The following CDC73 variants were observed in gnomAD, a reference collection of about 807,000 sequenced individuals.
CDC73 encodes the protein cell division cycle 73.
Under a neutral mutation model 83.7 loss-of-function variants are expected in CDC73, and 21 were observed. That is an observed-to-expected ratio of 0.25 (90% CI 0.18 to 0.36). The LOEUF is 0.36. Ranked by LOEUF, CDC73 falls within the 10% of genes least tolerant of loss-of-function variation. The pLI, the probability that CDC73 is intolerant of heterozygous loss-of-function variation, is 1.00. For synonymous variants in CDC73, 224 were observed against 212.9 expected, an observed-to-expected ratio of 1.05 and a Z score of -0.45; for missense variants, 342 against 653.3, an observed-to-expected ratio of 0.52 and a Z score of 5.19.
chr1:193,152,278 T>C, intron 9 of CDC73, 102 bp from the exon 10 acceptor site: 2 of 762,320 alleles, frequency 2.6e-6, no homozygotes, highest in Non-Finnish European at 4.6e-6. Context: ...TTGTATATTA[T>C]TGAACCATCA....
intron 15 of CDC73, among the ~76,000 whole-genome samples, chr1:193,246,668 A>G (rs1272763785): frequency 6.6e-6 from 1 of 151,996 alleles, no homozygotes; most frequent in African/African-American, 2.4e-5. Flanking sequence ...TTCATTCCCC[A>G]CTTTTCTCTT....
In CDC73 at chr1:193,135,522, C is replaced by T. The variant is rs1558282417; in HGVS notation, c.371-15C>T. On this transcript the variant is annotated splice_polypyrimidine_tract_variant and intron_variant, in intron 4 of 16. Coordinates refer to ENST00000367435, the MANE Select transcript of CDC73 (RefSeq NM_024529.5). Reference sequence around the variant, plus strand: ...TCCAAAACTACACATTTATTTACTTCTCTTTCTTTTATAGTCAAACGAGCT... The same window carrying T: ...TCCAAAACTACACATTTATTTACTTTTCTTTCTTTTATAGTCAAACGAGCT... 2 of 1,613,142 alleles carry T rather than the reference C, an allele frequency of 1.2e-6. No individual in the cohort carries two copies. The highest frequency in any genetic ancestry group is 1.7e-6 in the Non-Finnish European group (2 of 1,179,190).
chr1:193,239,421 T>C (rs1339448054), intron 15 of CDC73, among the ~76,000 whole-genome samples: 1 of 152,152 alleles, frequency 6.6e-6, no homozygotes, highest in Non-Finnish European at 1.5e-5. Context: ...AATTATATTA[T>C]ATTTTGTTAA....
rs1233590026 is a variant in CDC73 at position 193,122,220 on chromosome 1, T to C, written c.20T>C (p.Val7Ala). ...GGGAAGATGGCGGACGTGCTTAGCG[T>C]CCTGCGACAGTACAACATCCAGAAG... MADVLSVLRQYNIQKKE... is the reference protein window; with the variant it reads MADVLSALRQYNIQKKE... The change falls in exon 1 of 17, where the codon GTC becomes GCC. Residue 7 changes from valine to alanine, a missense_variant. Coordinates refer to ENST00000367435, the MANE Select transcript of CDC73 (RefSeq NM_024529.5). The C allele has an allele frequency of 6.2e-7, 1 of 1,614,124 alleles. No homozygotes were observed. Among genetic ancestry groups the C allele is most frequent in the Non-Finnish European group, 8.5e-7 (1 of 1,179,994 alleles).
intron 13 of CDC73, 102 bp from the exon 14 acceptor site, chr1:193,232,891 A>G: frequency 9.7e-7 from 1 of 1,029,264 alleles, no homozygotes; most frequent in South Asian, 1.5e-5. Flanking sequence ...CAATAAGAAA[A>G]AACTCTGTCT....
rs544515433 is a variant in CDC73 at position 193,226,291 on chromosome 1, G to A, written c.1155-6702G>A. Among the ~76,000 whole-genome samples the A allele has an allele frequency of 2.9e-4, 44 of 152,194 alleles. 1 individual carries two copies. The South Asian group carries it at 8.9e-3, about 31-fold the overall frequency. On this transcript the variant is annotated intron_variant, in intron 13 of 16. Coordinates refer to ENST00000367435, the MANE Select transcript of CDC73 (RefSeq NM_024529.5). ...CTGGATTCTCTATTCTGTTCCGTTG[G>A]TCCTTGTGCCTATTTTATACCAGTG...
chr1:193,147,775 A>C, intron 7 of CDC73, 92 bp from the exon 8 acceptor site: 1 of 777,526 alleles, frequency 1.3e-6, no homozygotes, highest in East Asian at 2.7e-5. Context: ...GTAGGGAAGA[A>C]TCGATAGTAA....
At chr1:193,162,459 G>A (rs1270810475) in intron 10 of CDC73, among the ~76,000 whole-genome samples, 1 of 149,708 alleles carries the variant, frequency 6.7e-6, no homozygotes, top group African/African-American at 2.5e-5. Context: ...TGCAGCCTCT[G>A]CCTCCCAGGT....
chr1:193,203,854 T>C lies in CDC73; in HGVS notation c.1030+2T>C. Reference sequence around the variant, plus strand: ...CAGCCCAGCCAGTACCAAGACCAGGTAGAAATATAGAACTTTGCTTTTTGT... The same window carrying C: ...CAGCCCAGCCAGTACCAAGACCAGGCAGAAATATAGAACTTTGCTTTTTGT... On this transcript the variant is annotated splice_donor_variant, in intron 11 of 16. Coordinates refer to ENST00000367435, the MANE Select transcript of CDC73 (RefSeq NM_024529.5). LOFTEE classifies it high-confidence loss of function. The C allele has an allele frequency of 1.2e-6, 2 of 1,613,120 alleles. No individual in the cohort carries two copies. Among genetic ancestry groups the C allele is most frequent in the Non-Finnish European group, 1.7e-6 (2 of 1,179,138 alleles).
chr1:193,142,813 A>G (rs1272408029), intron 7 of CDC73, among the ~76,000 whole-genome samples: 3 of 152,200 alleles, frequency 2.0e-5, no homozygotes, highest in African/African-American at 4.8e-5. Context: ...TGCACTTTAT[A>G]TTTTGAAAGA....
At chr1:193,208,933 T>C (rs2102035279) in intron 11 of CDC73, among the ~76,000 whole-genome samples, 1 of 152,368 alleles carries the variant, frequency 6.6e-6, no homozygotes, top group Non-Finnish European at 1.5e-5. Context: ...AATGCCACTT[T>C]CTTTGAGAAG....
chr1:193,235,158 G>A (rs1391711545), intron 14 of CDC73, among the ~76,000 whole-genome samples: 2 of 152,074 alleles, frequency 1.3e-5, no homozygotes, highest in Non-Finnish European at 2.9e-5. Context: ...TAATAATACT[G>A]AGATGGCTAT....
intron 10 of CDC73, among the ~76,000 whole-genome samples, chr1:193,168,816 C>T (rs1217140128): frequency 6.6e-6 from 1 of 152,164 alleles, no homozygotes; most frequent in Non-Finnish European, 1.5e-5. Context: ...TGAGCCACAG[C>T]GTCTGGCTGA....
In CDC73 at chr1:193,138,071, G is replaced by A. The variant is rs1238409542; in HGVS notation, c.424-14G>A. Reference sequence around the variant, plus strand: ...ATAAAAATTTTAAATGCATTAACCAGTGGTTATTTCCAGGATGAAGAGTGT... The same window carrying A: ...ATAAAAATTTTAAATGCATTAACCAATGGTTATTTCCAGGATGAAGAGTGT... On this transcript the variant is annotated splice_polypyrimidine_tract_variant and intron_variant, in intron 5 of 16. Transcript: ENST00000367435. 1 of 1,596,124 alleles carries A rather than the reference G, an allele frequency of 6.3e-7. No homozygotes were observed. The highest frequency in any genetic ancestry group is 2.2e-5 in the East Asian group (1 of 44,774).
At chr1:193,153,060 G>A (rs1490725859) in intron 10 of CDC73, among the ~76,000 whole-genome samples, 1 of 152,064 alleles carries the variant, frequency 6.6e-6, no homozygotes, top group African/African-American at 2.4e-5. Flanking sequence ...GAGCCACCGT[G>A]CCCAGCCTTG....
At chr1:193,154,023 T>G (rs1286974790) in intron 10 of CDC73, among the ~76,000 whole-genome samples, 1 of 152,242 alleles carries the variant, frequency 6.6e-6, no homozygotes, top group South Asian at 2.1e-4. Flanking sequence ...TCCCATCTTA[T>G]GCGATCTGCC....
chr1:193,167,529 AAATTT>A, intron 10 of CDC73, among the ~76,000 whole-genome samples: 1 of 152,310 alleles, frequency 6.6e-6, no homozygotes. Context: ...AGTCTAAAAC[AAATTT>A]ATTTCCTCTG....
intron 10 of CDC73, among the ~76,000 whole-genome samples, chr1:193,187,732 A>C (rs1676844717): frequency 6.6e-6 from 1 of 151,872 alleles, no homozygotes; most frequent in Non-Finnish European, 1.5e-5. Flanking sequence ...CTCTGATATT[A>C]AAAAAAATTT....
chr1:193,239,128 A>C (rs1196961421), intron 15 of CDC73, among the ~76,000 whole-genome samples: 1 of 152,222 alleles, frequency 6.6e-6, no homozygotes, highest in Non-Finnish European at 1.5e-5. Flanking sequence ...ACTATGAGAT[A>C]ACTTCTCTGT....
Sources: gnomAD v4.1 joint callset for allele counts (sites outside exome capture counted in the v4.1 genomes callset) on GRCh38, gnomAD v4.1.1 for gene constraint, MANE v1.5 for transcripts, NCBI Gene and HGNC (gene_info 2026-07-23, HGNC 2026-07-21) for gene names.